The following BRINP3 variants were observed in gnomAD, a reference collection of about 807,000 sequenced individuals.
BRINP3 encodes BMP/retinoic acid-inducible neural-specific protein 3.
A neutral mutation model predicts 71.0 loss-of-function variants in BRINP3; 19 were observed. That is an observed-to-expected ratio of 0.27 (90% CI 0.19 to 0.39). The LOEUF (loss-of-function observed/expected upper bound fraction) is 0.39. Among genes scored for constraint, BRINP3 ranks in the 10% least tolerant of loss-of-function variants. The probability of loss-of-function intolerance (pLI) is 1.00; values close to 1 mark genes in which losing one functional copy is unlikely to be tolerated. For synonymous variants in BRINP3, 380 were observed against 337.7 expected (o/e 1.13, Z -1.37); for missense variants, 959 against 940.8 (o/e 1.02, Z -0.25).
At position 190,120,252 on chromosome 1, in the gene BRINP3, T is replaced by C. The variant is rs1364008205; in HGVS notation, c.1185-21118A>G. On this transcript the variant is annotated intron_variant, in intron 7 of 7. Transcript: ENST00000367462. ...CTAATTTTTCTCTGTTACAACCTTA[T>C]CTCATTGCAGCCAATTCACAGTAAA... is the stretch of plus-strand genomic sequence containing the variant. Among the ~76,000 whole-genome samples, 4 of 152,278 alleles carry C rather than the reference T, an allele frequency of 2.6e-5. 1 individual carries two copies. Among genetic ancestry groups the C allele is most frequent in the Admixed American group, 2.6e-4 (4 of 15,284 alleles).
chr1:190,230,176 T>C (rs1048019423), intron 5 of BRINP3, among the ~76,000 whole-genome samples: 1 of 151,926 alleles, frequency 6.6e-6, no homozygotes, highest in East Asian at 1.9e-4. Flanking sequence ...ATTTGTGTTA[T>C]GATGGAAAGG....
intron 7 of BRINP3, among the ~76,000 whole-genome samples, chr1:190,149,495 C>A (rs1379227669): frequency 6.6e-6 from 1 of 152,020 alleles, no homozygotes; most frequent in Admixed American, 6.6e-5. Flanking sequence ...AAAGAAAAAT[C>A]ATGTATTTAG....
chr1:190,166,624 A>G (rs972244767), intron 6 of BRINP3, among the ~76,000 whole-genome samples: 16 of 152,192 alleles, frequency 1.1e-4, no homozygotes, highest in African/African-American at 3.9e-4. Context: ...AAATTTTCTC[A>G]GGAGATAATG....
chr1:190,210,478 G>C (rs2102648085), intron 6 of BRINP3, among the ~76,000 whole-genome samples: 1 of 151,998 alleles, frequency 6.6e-6, no homozygotes, highest in African/African-American at 2.4e-5. Context: ...TAGACAAACA[G>C]GCACATTTAT....
intron 4 of BRINP3, among the ~76,000 whole-genome samples, chr1:190,251,805 C>CA (rs35452757): frequency 0.4 from 58,369 of 144,954 alleles, 12,338 homozygotes; most frequent in Non-Finnish European, 0.49. Flanking sequence ...CAACAACAAC[C>CA]AAAAAAAAAA....
At chr1:190,430,672 A>G (rs1332698100) in intron 2 of BRINP3, among the ~76,000 whole-genome samples, 1 of 152,214 alleles carries the variant, frequency 6.6e-6, no homozygotes, top group African/African-American at 2.4e-5. Flanking sequence ...TTCAACTATT[A>G]TAAGGGATAA....
At chr1:190,385,400 C>T (rs1171422953) in intron 2 of BRINP3, among the ~76,000 whole-genome samples, 2 of 151,758 alleles carry the variant, frequency 1.3e-5, no homozygotes, top group African/African-American at 4.8e-5. Context: ...AACAAACAAC[C>T]CCATCAAAAA....
chr1:190,381,043 A>G (rs1418698005), intron 2 of BRINP3, among the ~76,000 whole-genome samples: 2 of 152,134 alleles, frequency 1.3e-5, no homozygotes, highest in Non-Finnish European at 2.9e-5. Flanking sequence ...TTACACTGAT[A>G]AGTGATAGAT....
At chr1:190,116,880 T>G (rs996255176) in intron 7 of BRINP3, among the ~76,000 whole-genome samples, 3 of 152,026 alleles carry the variant, frequency 2.0e-5, no homozygotes, top group African/African-American at 4.8e-5. Flanking sequence ...CAAATTCAAT[T>G]TTTTTACATC....
intron 2 of BRINP3, among the ~76,000 whole-genome samples, chr1:190,367,833 A>T (rs1669607380): frequency 6.6e-6 from 1 of 152,156 alleles, no homozygotes; most frequent in South Asian, 2.1e-4. Flanking sequence ...GGACTTCATC[A>T]TCCATATCAC....
chr1:190,374,460 A>T (rs1408771191), intron 2 of BRINP3, among the ~76,000 whole-genome samples: 1 of 152,152 alleles, frequency 6.6e-6, no homozygotes, highest in African/African-American at 2.4e-5. Flanking sequence ...TTAATTCGTC[A>T]AAAGAGAAAT....
intron 2 of BRINP3, chr1:190,302,821 C>T (rs959473017): frequency 2.6e-5 from 4 of 151,478 alleles, no homozygotes; most frequent in African/African-American, 9.7e-5. Context: ...AAATAGAATG[C>T]GAATATTTTC....
intron 2 of BRINP3, among the ~76,000 whole-genome samples, chr1:190,322,408 C>T (rs1450318802): frequency 5.9e-5 from 9 of 151,942 alleles, no homozygotes; most frequent in Admixed American, 2.0e-4. Flanking sequence ...GTGTTAAGAC[C>T]GGTAGGCCTA....
At chr1:190,224,191 G>A (rs1657128770) in intron 6 of BRINP3, among the ~76,000 whole-genome samples, 1 of 151,382 alleles carries the variant, frequency 6.6e-6, no homozygotes, top group Admixed American at 6.6e-5. Flanking sequence ...AAGTAATCAT[G>A]AGCAAAAAAG....
At chr1:190,374,948 T>C (rs1164827963) in intron 2 of BRINP3, among the ~76,000 whole-genome samples, 1 of 151,864 alleles carries the variant, frequency 6.6e-6, no homozygotes, top group African/African-American at 2.4e-5. Context: ...GAACAAACAA[T>C]AATTTAAGTA....
chr1:190,212,863 G>A (rs1484791734), intron 6 of BRINP3, among the ~76,000 whole-genome samples: 3 of 152,178 alleles, frequency 2.0e-5, no homozygotes, highest in African/African-American at 7.2e-5. Context: ...TGGTGGGCAC[G>A]TAATGTGAGC....
chr1:190,292,812 C>CT (rs1663969881), intron 2 of BRINP3, among the ~76,000 whole-genome samples: 1 of 151,640 alleles, frequency 6.6e-6, no homozygotes, highest in South Asian at 2.1e-4. Context: ...TCCATTTTTT[C>CT]TAGGTTTTCC....
intron 2 of BRINP3, among the ~76,000 whole-genome samples, chr1:190,448,513 A>T (rs1325584847): frequency 1.3e-5 from 2 of 151,122 alleles, no homozygotes; most frequent in Non-Finnish European, 3.0e-5. Context: ...ATCCATAAAA[A>T]TCAAAATAGC....
intron 7 of BRINP3, among the ~76,000 whole-genome samples, chr1:190,150,018 C>A (rs1656245735): frequency 6.6e-6 from 1 of 152,192 alleles, no homozygotes; most frequent in East Asian, 1.9e-4. Context: ...CACTTTATAA[C>A]TTGTGTGGGC....
Sources: gnomAD v4.1 joint callset for allele counts (sites outside exome capture counted in the v4.1 genomes callset) on GRCh38, gnomAD v4.1.1 for gene constraint, MANE v1.5 for transcripts, NCBI Gene and HGNC (gene_info 2026-07-23, HGNC 2026-07-21) for gene names.